The following FUZ variants were observed in gnomAD, a reference collection of about 807,000 sequenced individuals.
The protein encoded by FUZ is protein fuzzy homolog.
Under a neutral mutation model 43.1 loss-of-function variants are expected in FUZ, and 31 were observed. The observed-to-expected ratio is 0.72, with a 90% confidence interval of 0.54 to 0.97. FUZ has a LOEUF of 0.97. FUZ is among the 50% of genes least tolerant of loss of function. The pLI is 0.00. For missense variants in FUZ, 539 were observed against 543.8 expected (o/e 0.99, Z 0.09); for synonymous variants, 274 against 250.0 (o/e 1.10, Z -0.91).
rs1227846355 is a variant in FUZ at position 49,809,141 on chromosome 19, G to A, written c.786+22C>T. On this transcript the variant is annotated intron_variant, in intron 7 of 10. Transcript: ENST00000313777. This position sits in a 1 kb window ranked among gnomAD's most constrained non-coding sequence, Gnocchi z 5.1. ...GGTAGCGGGTGTCCTAAGAGCGAAA[G>A]CGGGACGTGGCGCGGGTTCACCTGT... 1.3e-6 allele frequency: 2 copies of A among 1,539,802 alleles called. No individual in the cohort carries two copies. Among genetic ancestry groups the A allele is most frequent in the Non-Finnish European group, 1.7e-6 (2 of 1,145,268 alleles).
In FUZ at chr19:49,809,849, G is replaced by A. The variant is rs2073673016; in HGVS notation, c.493-274C>T. On this transcript the variant is annotated intron_variant, in intron 5 of 10. Transcript: ENST00000313777. The surrounding 1 kb of genome is among the most constrained non-coding windows in gnomAD (Gnocchi z 5.1). ...TAATAATGTAACCGCAGCAGCTACC[G>A]TTCATCCAGGCCTGTTACATGCCGA... 1.1e-5 allele frequency: 6 copies of A among 547,574 alleles called. No homozygotes were observed. Among genetic ancestry groups the A allele is most frequent in the Non-Finnish European group, 1.7e-5 (5 of 302,188 alleles). 33.9% of individuals were successfully genotyped at this position (547,574 alleles called of 1,614,324 possible). A position where few individuals can be genotyped will look rare whatever the true frequency, so the allele number is the denominator to read the frequency against.
chr19:49,811,700 C>G lies in FUZ; in HGVS notation c.319-1G>C. On this transcript the variant is annotated splice_acceptor_variant, in intron 3 of 10. Coordinates refer to ENST00000313777, the MANE Select transcript of FUZ (RefSeq NM_025129.5). LOFTEE classifies it high-confidence loss of function. Reference sequence around the variant, plus strand: ...GTTCTTCAAGTCCCACAAGAAGGACCTAGAAGAATCATATAGGAGAGGATG... The same window carrying G: ...GTTCTTCAAGTCCCACAAGAAGGACGTAGAAGAATCATATAGGAGAGGATG... The G allele has an allele frequency of 3.1e-6, 5 of 1,613,378 alleles. No individual in the cohort carries two copies. In the African/African-American group the frequency reaches 4.0e-5, roughly 13 times the overall value.
intron 1 of FUZ, 117 bp downstream of exon 1, chr19:49,812,879 T>C (rs955839379): frequency 1.6e-4 from 220 of 1,346,828 alleles, no homozygotes; most frequent in Non-Finnish European, 2.2e-4. Flanking sequence ...ATTGGTCCAT[T>C]GCCTCCTCGG....
chr19:49,808,943 TGGAGGGC>T, intron 7 of FUZ, 120 bp from the exon 8 acceptor site: 1 of 908,276 alleles, frequency 1.1e-6, no homozygotes, highest in Non-Finnish European at 1.7e-6. Context: ...GCAAGAAGAG[TGGAGGGC>T]GGAGGGCAGA....
rs1256358495 is a variant in FUZ at position 49,808,441 on chromosome 19, G to C, written c.1006C>G (p.Leu336Val). 3 of 1,612,692 alleles carry C rather than the reference G, an allele frequency of 1.9e-6. No individual in the cohort carries two copies. Among genetic ancestry groups the C allele is most frequent in the Non-Finnish European group, 2.5e-6 (3 of 1,179,670 alleles). The change falls in exon 10 of 11, where the codon CTG becomes GTG. Residue 336 changes from leucine to valine, a missense_variant. Coordinates refer to ENST00000313777, the MANE Select transcript of FUZ (RefSeq NM_025129.5). ...RRRLLRNFYT[L>V]VTSTHFPPEP... is the part of the protein sequence containing the mutation. ...GGTGGGAAGTGCGTGGAGGTGACCA[G>C]GGTATAGAAGTTTCGGAGGAGGCGC...
At chr19:49,813,345 C>T, upstream of FUZ, 2 of 604,128 alleles carry the variant, frequency 3.3e-6, no homozygotes, top group South Asian at 1.8e-5. Context: ...AGTCACGGTA[C>T]CCCTAACAAA....
chr19:49,807,176 A>G lies in FUZ; in HGVS notation c.1232T>C (p.Leu411Pro), dbSNP rs2073427338. ...TCAAAGAAGTGGGGTGAGGGCATGC[A>G]GAGTGTGGGTGGCCAGGCTTCGCAG... The part of the protein sequence containing the change: ...HGLRSLATHT[L>P]HALTPLL Residue 411 changes from leucine (L) to proline (P), a missense_variant, in exon 11 of 11, where the codon CTG becomes CCG. Transcript: ENST00000313777. 5 of 1,613,220 alleles carry G rather than the reference A, an allele frequency of 3.1e-6. No homozygotes were observed. In the East Asian group the frequency reaches 8.9e-5, roughly 29 times the overall value.
chr19:49,812,594 C>A, intron 2 of FUZ, 21 bp downstream of exon 2: 2 of 1,614,064 alleles, frequency 1.2e-6, no homozygotes, highest in Non-Finnish European at 1.7e-6. Context: ...CTGTCCCTGT[C>A]CCACGTTCCC....
chr19:49,812,263 C>T lies in FUZ; in HGVS notation c.306G>A (p.Val102=). The T allele has an allele frequency of 1.2e-6, 2 of 1,612,036 alleles. No homozygotes were observed. The highest frequency in any genetic ancestry group is 8.5e-7 in the Non-Finnish European group (1 of 1,178,162). Residue 102 remains valine (V), a synonymous_variant, in exon 3 of 11, where the codon GTG becomes GTA. Coordinates refer to ENST00000313777, the MANE Select transcript of FUZ (RefSeq NM_025129.5). Reference sequence around the variant, plus strand: ...TGGTGAGTCTCACCATGGCTCCAAACACCATTTGGAGTAGTCTCTCCAGCC... The same window carrying T: ...TGGTGAGTCTCACCATGGCTCCAAATACCATTTGGAGTAGTCTCTCCAGCC... ...ELRLERLLQM[V]FGAMVLLVGL... is the part of the protein sequence containing the mutation.
chr19:49,807,087 T>A lies in FUZ; in HGVS notation c.*64A>T. 17 of 1,603,326 alleles carry A rather than the reference T, an allele frequency of 1.1e-5. No homozygotes were observed. Among genetic ancestry groups the A allele is most frequent in the Non-Finnish European group, 1.4e-5 (17 of 1,177,730 alleles). ...CCCATCCAGGGGCTGTGTATTATTG[T>A]GAGCGAATAAACAGAGAGACGCTAA... On this transcript the variant is annotated 3_prime_UTR_variant, in exon 11 of 11. Coordinates refer to ENST00000313777, the MANE Select transcript of FUZ (RefSeq NM_025129.5).
Position 49,809,513 on chromosome 19 carries a change from G to T in FUZ, c.555C>A (p.Gly185=). The T allele has an allele frequency of 1.3e-6, 2 of 1,597,220 alleles. No homozygotes were observed. Among genetic ancestry groups the T allele is most frequent in the Non-Finnish European group, 8.5e-7 (1 of 1,175,512 alleles). Residue 185 remains glycine (G), a synonymous_variant, in exon 6 of 11, where the codon GGC becomes GGA. Transcript: ENST00000313777. This position sits in a 1 kb window ranked among gnomAD's most constrained non-coding sequence, Gnocchi z 5.1. ...AACCCTCTGTTGCTGCCACCACCCG[G>T]CCGGACACCACCAGACTGACGAAGG... is the stretch of plus-strand genomic sequence containing the variant. ...GTTFVSLVVS[G]RVVAATEGWW...
chr19:49,807,412 C>T, intron 10 of FUZ, 38 bp from the exon 11 acceptor site: 1 of 1,566,970 alleles, frequency 6.4e-7, no homozygotes, highest in Non-Finnish European at 8.7e-7. Flanking sequence ...TGACAAGTAG[C>T]ATGCTAACCT....
In FUZ at chr19:49,806,996, G is replaced by A. The variant is rs1387753569; in HGVS notation, c.*155C>T. The A allele has an allele frequency of 3.9e-6, 6 of 1,526,696 alleles. No homozygotes were observed. In the South Asian group the frequency reaches 6.0e-5, roughly 15 times the overall value. The allele number at this position is 1,526,696 out of a possible 1,614,324, so 94.6% of individuals were successfully genotyped here. On this transcript the variant is annotated 3_prime_UTR_variant, in exon 11 of 11. Transcript: ENST00000313777. ...TTCCCCCCCAAGCACAGAGGGGAGAGGGGCCAGGGAAGTGGATGTCTCCTC... is the reference window on the plus strand; with the variant it reads ...TTCCCCCCCAAGCACAGAGGGGAGAAGGGCCAGGGAAGTGGATGTCTCCTC...
intron 10 of FUZ, 130 bp from the exon 11 acceptor site, chr19:49,807,504 G>A (rs1249444556): frequency 1.1e-6 from 1 of 893,250 alleles, no homozygotes; most frequent in Non-Finnish European, 1.8e-6. Context: ...TCCTGCCAGG[G>A]GAGGGCCTCG....
chr19:49,807,034 A>G lies in FUZ; in HGVS notation c.*117T>C. ...TGGATGTCTCCTCCCCTCCCACCCC[A>G]CCCTGTTGTAGCCCCTCCTACCCCC... On this transcript the variant is annotated 3_prime_UTR_variant, in exon 11 of 11. Coordinates refer to ENST00000313777, the MANE Select transcript of FUZ (RefSeq NM_025129.5). The G allele has an allele frequency of 4.2e-6, 2 of 479,570 alleles. No individual in the cohort carries two copies. Among genetic ancestry groups the G allele is most frequent in the Non-Finnish European group, 5.8e-6 (2 of 342,240 alleles). 29.7% of individuals were successfully genotyped at this position (479,570 alleles called of 1,614,324 possible).
chr19:49,808,963 G>A (rs1239347451), intron 7 of FUZ, 140 bp from the exon 8 acceptor site: 1 of 874,120 alleles, frequency 1.1e-6, no homozygotes, highest in African/African-American at 1.7e-5. Context: ...AGGGCAGAAG[G>A]GACTGGGGAA....
In FUZ at chr19:49,808,567, C is replaced by T. The variant is rs752978910; in HGVS notation, c.958+7G>A. 19 of 1,593,238 alleles carry T rather than the reference C, an allele frequency of 1.2e-5. No homozygotes were observed. The highest frequency in any genetic ancestry group is 1.6e-5 in the Non-Finnish European group (19 of 1,166,420). On this transcript the variant is annotated splice_region_variant and intron_variant, in intron 9 of 10. Transcript: ENST00000313777. ...CTACCCCTGCCCCTGCCCCTGTCCT[C>T]AGTCACCTTTATCCCCCAAGGGCTC...
intron 7 of FUZ, 40 bp from the exon 8 acceptor site, chr19:49,808,863 G>A (rs943942555): frequency 1.4e-6 from 2 of 1,475,894 alleles, no homozygotes; most frequent in Admixed American, 2.0e-5. Flanking sequence ...TCATGGGAAG[G>A]CGGGGCCGGC....
rs1568603233 is a variant in FUZ, at chr19:49,809,491, CCT to C, written c.575_576del (p.Glu192GlyfsTer127). 1 of 1,590,370 alleles carries C rather than the reference CCT, an allele frequency of 6.3e-7. No individual in the cohort carries two copies. Among genetic ancestry groups the C allele is most frequent in the Non-Finnish European group, 8.5e-7 (1 of 1,172,372 alleles). The part of the protein sequence containing the change: ...VVSGRVVAAT[E>X]GWWRLGTPEA... ...TCGGGCGTCCCCAGCCGCCACCAACCCTCTGTTGCTGCCACCACCCGGCCGGA... is the reference window on the plus strand; with the variant it reads ...TCGGGCGTCCCCAGCCGCCACCAACCCTGTTGCTGCCACCACCCGGCCGGA... On this transcript the variant is annotated frameshift_variant, in exon 6 of 11. Coordinates refer to ENST00000313777, the MANE Select transcript of FUZ (RefSeq NM_025129.5). LOFTEE classifies it high-confidence loss of function. The surrounding 1 kb of genome is among the most constrained non-coding windows in gnomAD (Gnocchi z 5.1).
Sources: allele counts gnomAD v4.1 joint callset, GRCh38; gene constraint gnomAD v4.1.1; non-coding constraint Gnocchi (gnomAD v3.1); transcripts MANE v1.5; gene names NCBI Gene and HGNC (gene_info 2026-07-23, HGNC 2026-07-21).